The following LRP1B variants were observed in gnomAD, a reference collection of about 807,000 sequenced individuals.
LRP1B encodes low-density lipoprotein receptor-related protein 1B.
In LRP1B, 217 loss-of-function variants were observed where a neutral mutation model predicts 556.6. The observed-to-expected ratio is 0.39, with a 90% CI of 0.35 to 0.44. The LOEUF (loss-of-function observed/expected upper bound fraction) is 0.44, where lower values mean the gene tolerates loss of function less well. Among genes scored for constraint, LRP1B ranks in the 20% least tolerant of loss-of-function variants. The probability of loss-of-function intolerance (pLI) is 1.00; values close to 1 mark genes in which losing one functional copy is unlikely to be tolerated. For missense variants in LRP1B, 5,053 were observed against 5,620.8 expected, an observed-to-expected ratio of 0.90 and a Z score of 3.23; for synonymous variants, 2,047 against 1,865.8, an observed-to-expected ratio of 1.10 and a Z score of -2.50.
At chr2:141,568,222 A>G (rs1297163914) in intron 2 of LRP1B, among the ~76,000 whole-genome samples, 3 of 151,180 alleles carry the variant, frequency 2.0e-5, no homozygotes, top group Non-Finnish European at 3.0e-5. Flanking sequence ...CAAAATCACA[A>G]TGTCATAGGA....
At chr2:141,872,182 T>C (rs1698611756) in intron 1 of LRP1B, among the ~76,000 whole-genome samples, 1 of 151,974 alleles carries the variant, frequency 6.6e-6, no homozygotes, top group Non-Finnish European at 1.5e-5. Context: ...AATAGAGGTA[T>C]CCCTGACAGT....
intron 6 of LRP1B, among the ~76,000 whole-genome samples, chr2:141,212,958 C>G (rs1440685096): frequency 6.6e-6 from 1 of 151,896 alleles, no homozygotes. Flanking sequence ...AAATACAGAC[C>G]CAAAACACTT....
At chr2:141,177,252 T>C (rs1434060668) in intron 7 of LRP1B, among the ~76,000 whole-genome samples, 1 of 152,110 alleles carries the variant, frequency 6.6e-6, no homozygotes, top group Non-Finnish European at 1.5e-5. Flanking sequence ...TAATGAGGAA[T>C]ATGTGCATTG....
At chr2:141,196,220 A>T (rs1681743734) in intron 6 of LRP1B, among the ~76,000 whole-genome samples, 1 of 152,022 alleles carries the variant, frequency 6.6e-6, no homozygotes, top group Non-Finnish European at 1.5e-5. Flanking sequence ...GGCTTATGGT[A>T]AAAAATAGCA....
intron 35 of LRP1B, among the ~76,000 whole-genome samples, chr2:140,720,793 T>C (rs535262387): frequency 1.3e-5 from 2 of 152,234 alleles, no homozygotes; most frequent in African/African-American, 4.8e-5. Flanking sequence ...TTTTCTGGCA[T>C]AAATGTACAT....
chr2:141,728,431 G>A (rs1413109640), intron 2 of LRP1B, among the ~76,000 whole-genome samples: 1 of 152,088 alleles, frequency 6.6e-6, no homozygotes, highest in Admixed American at 6.6e-5. Context: ...GGAAGAGAGA[G>A]TCTAGGGAAT....
At chr2:140,575,717 A>G (rs1243779832) in intron 43 of LRP1B, among the ~76,000 whole-genome samples, 1 of 151,020 alleles carries the variant, frequency 6.6e-6, no homozygotes, top group Non-Finnish European at 1.5e-5. Context: ...AGGTCAGGAG[A>G]TCATCAAGAC....
Position 141,184,301 on chromosome 2 carries a change from C to A in LRP1B, c.1013+4120G>T, listed in dbSNP as rs934368748. Among the ~76,000 whole-genome samples, 58 of 152,010 alleles carry A rather than the reference C, an allele frequency of 3.8e-4. 1 individual carries two copies. Among genetic ancestry groups the A allele is most frequent in the Non-Finnish European group, 7.4e-5 (5 of 67,962 alleles). On this transcript the variant is annotated intron_variant, in intron 7 of 90. Transcript: ENST00000389484. ...ATGGTGTCCTCAGAGGACATGCTAA[C>A]CCAAAATCTGGCACCTTGGCAGTTG...
chr2:140,276,507 A>G (rs1266917064), intron 84 of LRP1B, among the ~76,000 whole-genome samples: 2 of 151,858 alleles, frequency 1.3e-5, no homozygotes, highest in Non-Finnish European at 2.9e-5. Context: ...GTATATATAC[A>G]CAACACAAAT....
chr2:141,247,573 AAAG>A (rs541178399), intron 4 of LRP1B, among the ~76,000 whole-genome samples: 1 of 152,214 alleles, frequency 6.6e-6, no homozygotes. Flanking sequence ...ATGTATTTTA[AAAG>A]AAGATTATTT....
rs778963688 is a variant in LRP1B, at chr2:141,055,145, T to A, written c.1523A>T (p.Asn508Ile). 9 of 1,612,292 alleles carry A rather than the reference T, an allele frequency of 5.6e-6. No individual in the cohort carries two copies. The South Asian group carries it at 9.9e-5, about 18-fold the overall frequency. The change falls in exon 10 of 91, where the codon AAC becomes ATC. Residue 508 changes from asparagine (N) to isoleucine (I), a missense_variant. Asn to Ile is a moderately radical substitution (Grantham distance 149). Coordinates refer to ENST00000389484, the MANE Select transcript of LRP1B (RefSeq NM_018557.3). ...TRTCRCRTGF[N>I]LGSDGRSCKR... The stretch of plus-strand genomic sequence containing the variant: ...GCATGACCTGCCATCACTTCCCAAG[T>A]TGAAGCCAGTCCTGCAGCGACAAGT...
intron 1 of LRP1B, among the ~76,000 whole-genome samples, chr2:142,019,949 T>A (rs1703280059): frequency 6.6e-6 from 1 of 152,222 alleles, no homozygotes; most frequent in Non-Finnish European, 1.5e-5. Flanking sequence ...ATGGCTACAA[T>A]TTCTAATTAC....
intron 57 of LRP1B, among the ~76,000 whole-genome samples, chr2:140,492,360 G>A (rs1006192363): frequency 6.6e-6 from 1 of 152,134 alleles, no homozygotes; most frequent in African/African-American, 2.4e-5. Flanking sequence ...AGAAAAATGA[G>A]AAATAACCTT....
intron 2 of LRP1B, among the ~76,000 whole-genome samples, chr2:141,793,371 T>C (rs183907275): frequency 4.8e-4 from 73 of 152,040 alleles, no homozygotes; most frequent in Non-Finnish European, 2.4e-4. Flanking sequence ...TACTACTACT[T>C]AAACACATTG....
intron 35 of LRP1B, among the ~76,000 whole-genome samples, chr2:140,735,175 A>T (rs544702054): frequency 6.6e-6 from 1 of 152,238 alleles, no homozygotes; most frequent in South Asian, 2.1e-4. Flanking sequence ...CATCCACACG[A>T]TGTGCAATTG....
intron 2 of LRP1B, among the ~76,000 whole-genome samples, chr2:141,733,916 A>G: frequency 6.6e-6 from 1 of 152,062 alleles, no homozygotes; most frequent in East Asian, 1.9e-4. Context: ...AGAACCTATA[A>G]TGTTTAATTG....
At chr2:141,213,729 T>C (rs1345317102) in intron 6 of LRP1B, among the ~76,000 whole-genome samples, 1 of 152,256 alleles carries the variant, frequency 6.6e-6, no homozygotes, top group South Asian at 2.1e-4. Context: ...TTAAGTCATC[T>C]CTAGATCAAT....
chr2:140,950,125 C>T (rs1980343), intron 20 of LRP1B, 110 bp downstream of exon 20: 663,512 of 745,192 alleles, frequency 0.89, 295,980 homozygotes, highest in East Asian at 0.95. Context: ...CATGTATATT[C>T]TTGCCTAATA....
intron 55 of LRP1B, among the ~76,000 whole-genome samples, chr2:140,495,949 T>C (rs1048590915): frequency 1.4e-4 from 21 of 152,178 alleles, no homozygotes; most frequent in African/African-American, 4.6e-4. Context: ...ATATCTTCAT[T>C]TGATCTTTTG....
Sources: gnomAD v4.1 joint callset for allele counts (sites outside exome capture counted in the v4.1 genomes callset) on GRCh38, gnomAD v4.1.1 for gene constraint, MANE v1.5 for transcripts, NCBI Gene and HGNC (gene_info 2026-07-23, HGNC 2026-07-21) for gene names.